Variants in DOCK5 observed in about 807,000 individuals in gnomAD.
DOCK5 encodes the protein dedicator of cytokinesis 5, also known as dedicator of cytokinesis protein 5.
Under a neutral mutation model 251.8 loss-of-function variants are expected in DOCK5, and 142 were observed. The ratio of observed to expected loss-of-function variants is 0.56; its 90% CI spans 0.49 to 0.65. DOCK5 has a LOEUF of 0.65. Among genes scored for constraint, DOCK5 ranks in the 30% least tolerant of loss-of-function variants. The pLI, the probability that DOCK5 is intolerant of heterozygous loss-of-function variation, is 0.00. For synonymous variants in DOCK5, 842 were observed against 835.5 expected, an observed-to-expected ratio of 1.01 and a Z score of -0.13; for missense variants, 2,111 against 2,312.3, an observed-to-expected ratio of 0.91 and a Z score of 1.79.
chr8:25,236,722 A>G (rs577613423), intron 1 of DOCK5, among the ~76,000 whole-genome samples: 2 of 152,032 alleles, frequency 1.3e-5, no homozygotes, highest in South Asian at 4.1e-4. Context: ...CTGGGATTAC[A>G]GGCATGAGCC....
intron 1 of DOCK5, among the ~76,000 whole-genome samples, chr8:25,227,523 C>T (rs1233145885): frequency 6.6e-6 from 1 of 151,996 alleles, no homozygotes; most frequent in East Asian, 1.9e-4. Flanking sequence ...TGCTAGATTG[C>T]TTTGGGTATG....
chr8:25,394,825 A>G (rs993644555), intron 44 of DOCK5, among the ~76,000 whole-genome samples: 6 of 151,984 alleles, frequency 3.9e-5, no homozygotes, highest in Non-Finnish European at 7.4e-5. Flanking sequence ...CTTATTTTGT[A>G]TCTTACCACT....
At chr8:25,392,590 C>G (rs573631849) in intron 43 of DOCK5, among the ~76,000 whole-genome samples, 1 of 152,114 alleles carries the variant, frequency 6.6e-6, no homozygotes, top group Non-Finnish European at 1.5e-5. Flanking sequence ...TGAGAAGTCC[C>G]AAGTAGACGA....
intron 16 of DOCK5, among the ~76,000 whole-genome samples, chr8:25,322,338 G>C (rs1214941556): frequency 6.6e-6 from 1 of 152,206 alleles, no homozygotes; most frequent in Non-Finnish European, 1.5e-5. Context: ...CCAGTCTGGG[G>C]GATTTATGCA....
intron 3 of DOCK5, among the ~76,000 whole-genome samples, chr8:25,275,128 C>T (rs1423184168): frequency 6.6e-6 from 1 of 152,142 alleles, no homozygotes; most frequent in African/African-American, 2.4e-5. Context: ...TCTGAGCTGA[C>T]ACAGCATGTT....
intron 27 of DOCK5, among the ~76,000 whole-genome samples, chr8:25,358,691 C>T (rs1161982858): frequency 6.6e-6 from 1 of 152,212 alleles, no homozygotes; most frequent in Non-Finnish European, 1.5e-5. Flanking sequence ...TACATCTTCA[C>T]TGGTAATCTC....
rs181332523 is a variant in DOCK5, at chr8:25,324,584, A to G, written c.1719+633A>G. ...TTTTTCTTAACATCTTAGTTTATGA[A>G]TCATTTTGGAAGGGATGGCAAGCTA... On this transcript the variant is annotated intron_variant, in intron 17 of 51. Coordinates refer to ENST00000276440, the MANE Select transcript of DOCK5 (RefSeq NM_024940.8). Among the ~76,000 whole-genome samples the G allele has an allele frequency of 1.4e-3, 218 of 152,330 alleles. 1 individual carries two copies. Among genetic ancestry groups the G allele is most frequent in the Middle Eastern group, 3.4e-3 (1 of 294 alleles).
intron 1 of DOCK5, among the ~76,000 whole-genome samples, chr8:25,229,326 A>G (rs1802610983): frequency 6.6e-6 from 1 of 152,142 alleles, no homozygotes; most frequent in Non-Finnish European, 1.5e-5. Context: ...TACTAAAAAT[A>G]CAAAAATTAG....
At chr8:25,237,021 C>T (rs978812535) in intron 1 of DOCK5, among the ~76,000 whole-genome samples, 1 of 152,082 alleles carries the variant, frequency 6.6e-6, no homozygotes, top group African/African-American at 2.4e-5. Context: ...TGTAGCTATT[C>T]TTCAGGGGAT....
Position 25,372,643 on chromosome 8 carries a change from C to G in DOCK5, c.3609C>G (p.Asn1203Lys). 2 of 1,610,368 alleles carry G rather than the reference C, an allele frequency of 1.2e-6. No homozygotes were observed. The highest frequency in any genetic ancestry group is 1.7e-6 in the Non-Finnish European group (2 of 1,178,422). Reference protein sequence around the residue: ...FALLVSSLLENLLDYRTIIMQ... With the variant: ...FALLVSSLLEKLLDYRTIIMQ... ...TCCTGGTCAGCAGCCTCTTAGAGAACCTGCTGGACTATAGAACCATCATCA... is the reference window on the plus strand; with the variant it reads ...TCCTGGTCAGCAGCCTCTTAGAGAAGCTGCTGGACTATAGAACCATCATCA... The change falls in exon 35 of 52, where the codon AAC becomes AAG. Residue 1203 changes from asparagine to lysine, a missense_variant. By Grantham distance (94) the Asn-to-Lys change is moderately conservative. This residue lies in a region of DOCK5 where 1,717 missense variants were observed against 1,892.4 expected (regional missense o/e 0.91). Coordinates refer to ENST00000276440, the MANE Select transcript of DOCK5 (RefSeq NM_024940.8).
At chr8:25,340,646 T>C (rs139379448) in intron 22 of DOCK5, among the ~76,000 whole-genome samples, 35 of 152,264 alleles carry the variant, frequency 2.3e-4, no homozygotes, top group African/African-American at 7.9e-4. Context: ...GGCAGTTCAG[T>C]GGCTAAAGTG....
At chr8:25,383,735 A>G (rs145035403) in intron 40 of DOCK5, among the ~76,000 whole-genome samples, 11 of 152,206 alleles carry the variant, frequency 7.2e-5, no homozygotes, top group African/African-American at 2.6e-4. Flanking sequence ...CATGCCTGTA[A>G]TCTCAGCTAC....
At chr8:25,292,643 C>T (rs1022464218) in intron 6 of DOCK5, among the ~76,000 whole-genome samples, 3 of 152,038 alleles carry the variant, frequency 2.0e-5, no homozygotes, top group African/African-American at 4.8e-5. Flanking sequence ...CCCACCTACT[C>T]GGGAGGATCA....
intron 18 of DOCK5, among the ~76,000 whole-genome samples, chr8:25,331,211 A>G (rs928647785): frequency 6.6e-6 from 1 of 151,554 alleles, no homozygotes; most frequent in African/African-American, 2.4e-5. Flanking sequence ...AACAGTCCAG[A>G]TAACTGCAGT....
chr8:25,293,149 G>A (rs974811729), intron 6 of DOCK5, among the ~76,000 whole-genome samples: 6 of 152,034 alleles, frequency 3.9e-5, no homozygotes, highest in Non-Finnish European at 8.8e-5. Context: ...GTGGTTCCTC[G>A]GTTAGCTGTT....
chr8:25,363,990 A>G (rs1800734030), intron 29 of DOCK5, among the ~76,000 whole-genome samples: 1 of 152,228 alleles, frequency 6.6e-6, no homozygotes, highest in South Asian at 2.1e-4. Flanking sequence ...ATAGATGTAC[A>G]TGTTGTTAAT....
chr8:25,216,073 C>T (rs1464141381), intron 1 of DOCK5, among the ~76,000 whole-genome samples: 2 of 150,686 alleles, frequency 1.3e-5, no homozygotes, highest in Admixed American at 6.6e-5. Context: ...TATGTCTATA[C>T]GTGTATACAA....
At chr8:25,368,925 T>C (rs1427056815) in intron 33 of DOCK5, among the ~76,000 whole-genome samples, 200 bp downstream of exon 33, 2 of 152,254 alleles carry the variant, frequency 1.3e-5, no homozygotes, top group Non-Finnish European at 2.9e-5. Flanking sequence ...ATTTTTTTGC[T>C]ACATGTCTTT....
At chr8:25,190,545 G>A (rs1801553741) in intron 1 of DOCK5, among the ~76,000 whole-genome samples, 1 of 152,146 alleles carries the variant, frequency 6.6e-6, no homozygotes, top group Admixed American at 6.5e-5. Context: ...TAATTAAAGT[G>A]AGTGCTGAAT....
Sources: gnomAD v4.1 joint callset for allele counts (sites outside exome capture counted in the v4.1 genomes callset) on GRCh38, gnomAD v4.1.1 for gene constraint, gnomAD v4.1.1 regional missense constraint, MANE v1.5 for transcripts, NCBI Gene and HGNC (gene_info 2026-07-23, HGNC 2026-07-21) for gene names.